Variants in CDH18 observed in about 807,000 individuals in gnomAD.
CDH18 encodes the protein cadherin-18.
In CDH18, 31 loss-of-function variants were observed where a neutral mutation model predicts 67.9. The observed-to-expected ratio is 0.46, with a 90% CI of 0.34 to 0.62. The LOEUF (loss-of-function observed/expected upper bound fraction) is 0.62. CDH18 is among the 20% of genes least tolerant of loss of function. The pLI, the probability that CDH18 is intolerant of heterozygous loss-of-function variation, is 0.01. For synonymous variants in CDH18, 362 were observed against 347.2 expected (o/e 1.04, Z -0.48); for missense variants, 890 against 975.5 (o/e 0.91, Z 1.17).
chr5:20,318,176 G>A (rs1435926279), intron 1 of CDH18, among the ~76,000 whole-genome samples: 1 of 152,142 alleles, frequency 6.6e-6, no homozygotes, highest in East Asian at 1.9e-4. Flanking sequence ...AACTTAAAGT[G>A]AGAAATGGAA....
chr5:20,156,109 G>A lies in CDH18; in HGVS notation c.-518+99335C>T, dbSNP rs548542443. Among the ~76,000 whole-genome samples the A allele has an allele frequency of 6.6e-5, 10 of 152,172 alleles. 2 individuals are homozygous for A. The highest frequency in any genetic ancestry group is 6.5e-4 in the Admixed American group (10 of 15,274). On this transcript the variant is annotated intron_variant, in intron 2 of 14. Coordinates refer to the CDH18 transcript ENST00000507958. ...AGATGTTGGTGAGTATGTGGAGAAA[G>A]GGGAACACTTATTCATTGTGGGTGA...
At chr5:20,055,324 C>T (rs899363564) in intron 2 of CDH18, among the ~76,000 whole-genome samples, 1 of 152,132 alleles carries the variant, frequency 6.6e-6, no homozygotes, top group Non-Finnish European at 1.5e-5. Flanking sequence ...GTTTGGCAGC[C>T]GTGCAAACTA....
intron 1 of CDH18, among the ~76,000 whole-genome samples, chr5:20,385,663 G>C (rs540881294): frequency 6.6e-6 from 1 of 152,086 alleles, no homozygotes; most frequent in South Asian, 2.1e-4. Context: ...CATCAAGAGG[G>C]GGATATTTTA....
chr5:20,271,420 G>C (rs538051949), intron 1 of CDH18, among the ~76,000 whole-genome samples: 1 of 152,032 alleles, frequency 6.6e-6, no homozygotes, highest in Non-Finnish European at 1.5e-5. Context: ...CTAGAAGAGA[G>C]CATTTTTAAT....
intron 1 of CDH18, among the ~76,000 whole-genome samples, chr5:20,299,945 T>C (rs1747834956): frequency 1.3e-5 from 2 of 151,690 alleles, no homozygotes; most frequent in Non-Finnish European, 2.9e-5. Flanking sequence ...AATAGAAATG[T>C]GTTGTTCTAT....
chr5:20,355,807 C>T (rs75737807), intron 1 of CDH18, among the ~76,000 whole-genome samples: 1 of 152,030 alleles, frequency 6.6e-6, no homozygotes, highest in African/African-American at 2.4e-5. Flanking sequence ...CAACTCATGG[C>T]GAATTTATCA....
intron 9 of CDH18, among the ~76,000 whole-genome samples, chr5:19,527,805 A>G (rs1747973944): frequency 6.6e-6 from 1 of 151,832 alleles, no homozygotes; most frequent in African/African-American, 2.4e-5. Context: ...TTCTAGATTG[A>G]AGTGAATTAT....
chr5:20,071,059 A>G (rs998547905), intron 2 of CDH18, among the ~76,000 whole-genome samples: 4 of 152,278 alleles, frequency 2.6e-5, no homozygotes, highest in African/African-American at 9.6e-5. Flanking sequence ...ATGAAAACAT[A>G]TCCAAAATGA....
At chr5:19,807,000 T>G (rs1778112490) in intron 3 of CDH18, among the ~76,000 whole-genome samples, 1 of 152,246 alleles carries the variant, frequency 6.6e-6, no homozygotes, top group Non-Finnish European at 1.5e-5. Context: ...GCTAAAAACC[T>G]GTACAACTTG....
At chr5:20,413,385 A>G (rs1746969572) in intron 1 of CDH18, among the ~76,000 whole-genome samples, 1 of 152,208 alleles carries the variant, frequency 6.6e-6, no homozygotes, top group South Asian at 2.1e-4. Flanking sequence ...AGGAATTACC[A>G]CACTGTCTTC....
At chr5:20,292,165 A>C (rs1256953782) in intron 1 of CDH18, among the ~76,000 whole-genome samples, 1 of 152,238 alleles carries the variant, frequency 6.6e-6, no homozygotes, top group Non-Finnish European at 1.5e-5. Context: ...CGCTATTGGC[A>C]GTAAAGGAGA....
At chr5:20,507,293 A>G (rs1376251252) in intron 1 of CDH18, among the ~76,000 whole-genome samples, 1 of 152,230 alleles carries the variant, frequency 6.6e-6, no homozygotes, top group East Asian at 1.9e-4. Flanking sequence ...GCAATAGACA[A>G]TGAAAATATC....
intron 2 of CDH18, among the ~76,000 whole-genome samples, chr5:20,166,574 T>G (rs577200036): frequency 8.1e-4 from 123 of 152,084 alleles, no homozygotes; most frequent in Non-Finnish European, 1.5e-3. Flanking sequence ...AAGAGTCACC[T>G]CGAAAGCATG....
intron 3 of CDH18, among the ~76,000 whole-genome samples, chr5:19,754,651 G>T (rs987628845): frequency 2.9e-4 from 44 of 152,082 alleles, no homozygotes; most frequent in African/African-American, 1.1e-3. Context: ...CTATACCTTG[G>T]AACAAATGGA....
At chr5:20,560,005 C>G (rs1461916512) in intron 1 of CDH18, among the ~76,000 whole-genome samples, 1 of 152,064 alleles carries the variant, frequency 6.6e-6, no homozygotes, top group African/African-American at 2.4e-5. Flanking sequence ...TAGGGTTGAT[C>G]ACTGCAAATG....
At chr5:19,479,900 T>C (rs1438873267) in intron 12 of CDH18, among the ~76,000 whole-genome samples, 1 of 152,182 alleles carries the variant, frequency 6.6e-6, no homozygotes, top group Non-Finnish European at 1.5e-5. Flanking sequence ...AATTTACAAA[T>C]GTTCTATTAC....
chr5:19,796,526 G>A (rs190191358), intron 3 of CDH18, among the ~76,000 whole-genome samples: 2 of 152,172 alleles, frequency 1.3e-5, no homozygotes, highest in Non-Finnish European at 2.9e-5. Flanking sequence ...TCAGATAAAG[G>A]CAAACTAAAA....
chr5:19,859,989 G>GGGGGGTGTGTGT lies in CDH18; in HGVS notation c.-256-20748_-256-20747insACACACACCCCC, dbSNP rs143069229. On this transcript the variant is annotated intron_variant, in intron 2 of 12. Transcript: ENST00000382275. Reference sequence around the variant, plus strand: ...CTTATTAATTTACTTGTTTGCTTTGGGTGTGTGTGTGTGTGTGTGTGTGTG... The same window carrying GGGGGGTGTGTGT: ...CTTATTAATTTACTTGTTTGCTTTGGGGGGGTGTGTGTGTGTGTGTGTGTGTGTGTGTGTGTG... Among the ~76,000 whole-genome samples, 271 of 143,250 alleles carry GGGGGGTGTGTGT rather than the reference G, an allele frequency of 1.9e-3. 1 individual carries two copies. The highest frequency in any genetic ancestry group is 6.8e-3 in the African/African-American group (263 of 38,424). 94.0% of individuals were successfully genotyped at this position (143,250 alleles called of 152,430 possible).
At chr5:19,566,339 G>A (rs1007245182) in intron 8 of CDH18, among the ~76,000 whole-genome samples, 7 of 152,148 alleles carry the variant, frequency 4.6e-5, no homozygotes, top group Non-Finnish European at 7.4e-5. Flanking sequence ...GCTAAACATA[G>A]AGCTCCCTAT....
Sources: allele counts gnomAD v4.1 joint callset (sites outside exome capture counted in the v4.1 genomes callset), GRCh38; gene constraint gnomAD v4.1.1; transcripts MANE v1.5; gene names NCBI Gene and HGNC (gene_info 2026-07-23, HGNC 2026-07-21).